ZFHX3: variants seen among roughly 807,000 people sequenced by gnomAD.
ZFHX3 encodes the protein zinc finger homeobox 3, also known as zinc finger homeobox protein 3.
A neutral mutation model predicts 279.1 loss-of-function variants in ZFHX3; 42 were observed. That is an observed-to-expected ratio of 0.15 (90% CI 0.12 to 0.19). The LOEUF is 0.19. Ranked by LOEUF, ZFHX3 falls within the 10% of genes least tolerant of loss-of-function variation. The pLI, the probability that ZFHX3 is intolerant of heterozygous loss-of-function variation, is 1.00. For synonymous variants in ZFHX3, 2,293 were observed against 1,957.8 expected (o/e 1.17, Z -4.52); for missense variants, 4,981 against 4,754.0 (o/e 1.05, Z -1.40).
intron 2 of ZFHX3, among the ~76,000 whole-genome samples, chr16:73,564,166 A>T (rs566196926): frequency 6.6e-6 from 1 of 152,220 alleles, no homozygotes; most frequent in Admixed American, 6.5e-5. Flanking sequence ...TGTAGAAAAC[A>T]TTTGACCTCT....
chr16:73,424,368 G>A (rs929118332), intron 3 of ZFHX3, among the ~76,000 whole-genome samples: 4 of 152,102 alleles, frequency 2.6e-5, no homozygotes, highest in African/African-American at 9.7e-5. Flanking sequence ...GAAACACAGA[G>A]GCCATTTCTA....
intron 3 of ZFHX3, among the ~76,000 whole-genome samples, chr16:73,454,770 A>G (rs972192066): frequency 2.0e-5 from 3 of 152,150 alleles, no homozygotes; most frequent in Non-Finnish European, 2.9e-5. Flanking sequence ...AAGCAAAGAT[A>G]TATCTGCTTT....
At position 72,880,536 on chromosome 16, in the gene ZFHX3, C is replaced by T. The variant is rs149212636; in HGVS notation, c.3448+9195G>A. 6.2e-4 allele frequency among the ~76,000 whole-genome samples: 94 copies of T among 152,236 alleles called. No individual in the cohort carries two copies. The East Asian group carries it at 6.6e-3, about 11-fold the overall frequency. Reference sequence around the variant, plus strand: ...CGGCACCTGGATCTTGAACCTTTAGCGTCCAGAACTGTGAGAAAATACACT... The same window carrying T: ...CGGCACCTGGATCTTGAACCTTTAGTGTCCAGAACTGTGAGAAAATACACT... On this transcript the variant is annotated intron_variant, in intron 4 of 9. Coordinates refer to ENST00000268489, the MANE Select transcript of ZFHX3 (RefSeq NM_006885.4).
At chr16:73,201,549 G>A (rs1329686154) in intron 5 of ZFHX3, among the ~76,000 whole-genome samples, 10 of 152,128 alleles carry the variant, frequency 6.6e-5, no homozygotes, top group Admixed American at 6.5e-4. Flanking sequence ...AATAAATTTG[G>A]AATGCTTAGG....
At chr16:73,325,928 A>AACACACACACACACACACACACAAACAC (rs140609871) in intron 3 of ZFHX3, among the ~76,000 whole-genome samples, 33 of 145,572 alleles carry the variant, frequency 2.3e-4, no homozygotes, top group African/African-American at 8.3e-4. Flanking sequence ...CACACACACA[A>AACACACACACACACACACACACAAACAC]ACACACACAC....
At chr16:73,096,802 A>C (rs967482532) in intron 7 of ZFHX3, among the ~76,000 whole-genome samples, 5 of 152,106 alleles carry the variant, frequency 3.3e-5, no homozygotes, top group African/African-American at 1.2e-4. Context: ...TCTTCAAGGC[A>C]GAAGTATGCC....
At chr16:73,027,975 T>C (rs988059576) in intron 1 of ZFHX3, among the ~76,000 whole-genome samples, 1 of 152,024 alleles carries the variant, frequency 6.6e-6, no homozygotes, top group African/African-American at 2.4e-5. Flanking sequence ...GAGCCGGGCC[T>C]TCCCAGCACA....
chr16:73,205,477 A>G (rs2011763455), intron 5 of ZFHX3, among the ~76,000 whole-genome samples: 1 of 152,240 alleles, frequency 6.6e-6, no homozygotes, highest in African/African-American at 2.4e-5. Context: ...TTGATTAAAA[A>G]TAGGAAGCGA....
chr16:73,654,204 A>C (rs1243081829), intron 2 of ZFHX3, among the ~76,000 whole-genome samples: 6 of 151,232 alleles, frequency 4.0e-5, no homozygotes, highest in African/African-American at 1.5e-4. Flanking sequence ...AAAAAAAGAT[A>C]AAAAGAGAAT....
rs758035590 is a variant in ZFHX3, at chr16:72,958,589, G to A, written c.1557C>T (p.Ser519=). 8 of 1,614,098 alleles carry A rather than the reference G, an allele frequency of 5.0e-6. No homozygotes were observed. The highest frequency in any genetic ancestry group is 6.8e-6 in the Non-Finnish European group (8 of 1,180,014). Residue 519 remains serine (S), a synonymous_variant, in exon 2 of 10, where the codon AGC becomes AGT. Transcript: ENST00000268489. ...GGTTTGAGAGAGCAAGGTCCTTTTT[G>A]CTGCTACTACCTGCTGCGGCCCCAG... ...EEPGAAAGSS[S]KKDLALSNQS... is the part of the protein sequence containing the mutation.
intron 3 of ZFHX3, among the ~76,000 whole-genome samples, chr16:72,890,214 G>T (rs566474975): frequency 1.7e-4 from 26 of 152,152 alleles, no homozygotes; most frequent in Non-Finnish European, 3.5e-4. Flanking sequence ...TATGGGGGTG[G>T]TTCCCCCATG....
At position 72,794,648 on chromosome 16, in the gene ZFHX3, C is replaced by T. The variant is rs747835432; in HGVS notation, c.8034G>A (p.Val2678=). Residue 2678 remains valine (V), a synonymous_variant, in exon 9 of 10, where the codon GTG becomes GTA. Transcript: ENST00000268489. The surrounding 1 kb of genome is among the most constrained non-coding windows in gnomAD (Gnocchi z 4.2). ...CTTGTACCACACGTTTCTTCAAGCC[C>T]ACCTCGTGTGCAATGTGATCCAACA... ...RKMLDHIAHE[V]GLKKRVVQVW... is the part of the protein sequence containing the mutation. 1.2e-6 allele frequency: 2 copies of T among 1,614,084 alleles called. No individual in the cohort carries two copies. Among genetic ancestry groups the T allele is most frequent in the Non-Finnish European group, 1.7e-6 (2 of 1,180,058 alleles).
intron 2 of ZFHX3, among the ~76,000 whole-genome samples, chr16:73,617,353 T>G (rs1474037969): frequency 1.3e-5 from 2 of 152,230 alleles, no homozygotes; most frequent in Non-Finnish European, 2.9e-5. Context: ...CAATTCAGGA[T>G]GTGAATTCTT....
In ZFHX3 at chr16:72,934,383, A is replaced by G. The variant is rs148115456; in HGVS notation, c.3216+16086T>C. On this transcript the variant is annotated intron_variant, in intron 3 of 9. Coordinates refer to ENST00000268489, the MANE Select transcript of ZFHX3 (RefSeq NM_006885.4). The stretch of plus-strand genomic sequence containing the variant: ...GCGAAGCTTGCACTGAGCTGAGATC[A>G]CACCATTGCATTCCTGCCTGGGTGA... Among the ~76,000 whole-genome samples the G allele has an allele frequency of 3.6e-3, 547 of 152,324 alleles. 11 individuals carry two copies. Among genetic ancestry groups the G allele is most frequent in the East Asian group, 9.5e-3 (49 of 5,172 alleles).
At chr16:72,926,603 G>A (rs1277013603) in intron 3 of ZFHX3, among the ~76,000 whole-genome samples, 1 of 152,024 alleles carries the variant, frequency 6.6e-6, no homozygotes, top group Non-Finnish European at 1.5e-5. Flanking sequence ...GGCATTATTC[G>A]CACATGAAAC....
intron 6 of ZFHX3, among the ~76,000 whole-genome samples, chr16:73,136,527 C>G (rs1239758128): frequency 6.6e-6 from 1 of 151,844 alleles, no homozygotes; most frequent in Non-Finnish European, 1.5e-5. Flanking sequence ...AGTTCGAGAC[C>G]AGCCTGGCAA....
At position 72,798,092 on chromosome 16, in the gene ZFHX3, A is replaced by T. The variant is rs1697210796; in HGVS notation, c.4590T>A (p.Gly1530=). The stretch of plus-strand genomic sequence containing the variant: ...GGAACTTTTCCATAGTAAAATTGGG[A>T]CCTTTTCTGAAAGGCAGAGCTCTCT... ...EPKRALPFRK[G]PNFTMEKFLD... Residue 1530 remains glycine (G), a synonymous_variant, in exon 9 of 10, where the codon GGT becomes GGA. Coordinates refer to ENST00000268489, the MANE Select transcript of ZFHX3 (RefSeq NM_006885.4). 1 of 1,614,102 alleles carries T rather than the reference A, an allele frequency of 6.2e-7. No homozygotes were observed. The highest frequency in any genetic ancestry group is 8.5e-7 in the Non-Finnish European group (1 of 1,180,008).
At chr16:73,837,088 T>C (rs1401041698) in intron 1 of ZFHX3, among the ~76,000 whole-genome samples, 2 of 152,236 alleles carry the variant, frequency 1.3e-5, no homozygotes, top group African/African-American at 4.8e-5. Context: ...TCTGGTATTC[T>C]GCTACAGCAA....
intron 4 of ZFHX3, among the ~76,000 whole-genome samples, chr16:73,261,054 T>C (rs1182331590): frequency 6.6e-6 from 1 of 152,174 alleles, no homozygotes; most frequent in Non-Finnish European, 1.5e-5. Flanking sequence ...CACACACTTG[T>C]TAAAGGATTT....
Sources: gnomAD v4.1 joint callset for allele counts (sites outside exome capture counted in the v4.1 genomes callset) on GRCh38, gnomAD v4.1.1 for gene constraint, Gnocchi (gnomAD v3.1) non-coding constraint, MANE v1.5 for transcripts, NCBI Gene and HGNC (gene_info 2026-07-23, HGNC 2026-07-21) for gene names.